EPG5: variants seen among roughly 807,000 people sequenced by gnomAD.
EPG5 encodes the protein ectopic P-granules 5 autophagy tethering factor, also known as ectopic P granules protein 5 homolog.
EPG5 carries 159 observed loss-of-function variants against 302.7 expected under a neutral mutation model. The observed-to-expected ratio is 0.53, with a 90% CI of 0.46 to 0.60. The LOEUF (loss-of-function observed/expected upper bound fraction) is 0.60, where lower values mean the gene tolerates loss of function less well. Ranked by LOEUF, EPG5 falls within the 20% of genes least tolerant of loss-of-function variation. EPG5 has a pLI of 0.00. For synonymous variants in EPG5, 1,158 were observed against 1,136.8 expected (o/e 1.02, Z -0.37); for missense variants, 2,896 against 3,092.4 (o/e 0.94, Z 1.51).
chr18:45,879,201 A>G lies in EPG5; in HGVS notation c.5681T>C (p.Ile1894Thr), dbSNP rs2049037571. 2 of 1,610,096 alleles carry G rather than the reference A, an allele frequency of 1.2e-6. No individual in the cohort carries two copies. The highest frequency in any genetic ancestry group is 1.7e-6 in the Non-Finnish European group (2 of 1,178,974). Reference protein sequence around the residue: ...LLSDKQVMETIQWLSDFFYKL... With the variant: ...LLSDKQVMETTQWLSDFFYKL... ...ATAAAAAAAGTCTGAAAGCCACTGTATAGTCTCCATTACCTGGAAGAGACA... is the reference window on the plus strand; with the variant it reads ...ATAAAAAAAGTCTGAAAGCCACTGTGTAGTCTCCATTACCTGGAAGAGACA... The change falls in exon 33 of 44, where the codon ATA (isoleucine) becomes ACA (threonine). Residue 1894 changes from isoleucine to threonine, a missense_variant. By Grantham distance (89) the Ile-to-Thr change is moderately conservative. This residue lies in a region of EPG5 where 790 missense variants were observed against 798.0 expected (regional missense o/e 0.99). Transcript: ENST00000282041.
Position 45,867,750 on chromosome 18 carries a change from T to C in EPG5, c.6226-2A>G, listed in dbSNP as rs1568104423. 1.9e-6 allele frequency: 3 copies of C among 1,588,108 alleles called. No homozygotes were observed. Among genetic ancestry groups the C allele is most frequent in the Non-Finnish European group, 2.6e-6 (3 of 1,168,538 alleles). On this transcript the variant is annotated splice_acceptor_variant, in intron 36 of 43. Transcript: ENST00000282041. LOFTEE classifies it high-confidence loss of function. ...GCTCTTGGGGCTTCCTCGTTCCACC[T>C]AAAAGAAAATGAATTAAAATCATTC...
the EPG5 span, chr18:45,825,837 A>T: frequency 3.1e-6 from 5 of 1,595,848 alleles, no homozygotes; most frequent in South Asian, 5.5e-5. Context: ...TGCTGAAAGC[A>T]TCTTAGGTAC....
intron 20 of EPG5, among the ~76,000 whole-genome samples, chr18:45,914,867 A>T (rs199939477): frequency 6.6e-6 from 1 of 152,072 alleles, no homozygotes; most frequent in African/African-American, 2.4e-5. Context: ...TGTAGTCCCC[A>T]AATACTAGGG....
chr18:45,842,978 G>T (rs2048337862), downstream of EPG5: 1 of 152,354 alleles, frequency 6.6e-6, no homozygotes, highest in Non-Finnish European at 1.5e-5. Context: ...TGCCCCCTGG[G>T]ATCTCCACTG....
the EPG5 span, among the ~76,000 whole-genome samples, chr18:45,814,677 A>G: frequency 6.6e-6 from 1 of 152,322 alleles, no homozygotes; most frequent in Admixed American, 6.5e-5. Context: ...GAGAGTCAGT[A>G]GGCCAAACCC....
At chr18:45,932,291 C>T (rs1385293013) in intron 11 of EPG5, among the ~76,000 whole-genome samples, 1 of 152,128 alleles carries the variant, frequency 6.6e-6, no homozygotes, top group African/African-American at 2.4e-5. Context: ...AGGACAAACA[C>T]ATTTCTACAG....
chr18:45,889,984 T>C (rs1405963292), intron 27 of EPG5, 44 bp from the exon 28 acceptor site: 2 of 1,504,352 alleles, frequency 1.3e-6, no homozygotes, highest in Admixed American at 4.2e-5. Context: ...CCCCCATGTG[T>C]CAGGTTTCCC....
intron 16 of EPG5, among the ~76,000 whole-genome samples, chr18:45,918,676 T>C (rs1444149706): frequency 3.9e-5 from 6 of 152,210 alleles, no homozygotes; most frequent in African/African-American, 1.2e-4. Context: ...TCCTTTCAAT[T>C]GGAAATATTA....
rs1417997219 is a variant in EPG5, at chr18:45,907,967, C to T, written c.4320G>A (p.Gln1440=). The change falls in exon 24 of 44, where the codon CAG becomes CAA. Residue 1440 remains glutamine, a synonymous_variant. Coordinates refer to ENST00000282041, the MANE Select transcript of EPG5 (RefSeq NM_020964.3). ...AGGGCTATAATTTCACCTGCTGATT[C>T]TGCATCACTTTTGCTAGCCTGTGAA... is the stretch of plus-strand genomic sequence containing the variant. ...YDIHRLAKVM[Q]NQQDLWMEYL... is the part of the protein sequence containing the mutation. The T allele has an allele frequency of 8.4e-6, 13 of 1,548,190 alleles. No individual in the cohort carries two copies. The highest frequency in any genetic ancestry group is 1.4e-5 in the African/African-American group (1 of 69,856).
Position 45,866,803 on chromosome 18 carries a change from G to A in EPG5, c.6616C>T (p.His2206Tyr), listed in dbSNP as rs2048757353. 1.9e-6 allele frequency: 3 copies of A among 1,611,982 alleles called. No individual in the cohort carries two copies. The highest frequency in any genetic ancestry group is 2.2e-5 in the South Asian group (2 of 91,036). Residue 2206 changes from histidine to tyrosine, a missense_variant, in exon 38 of 44, where the codon CAT (histidine) becomes TAT (tyrosine). Physicochemically the swap from His to Tyr is moderately conservative, Grantham distance 83. Around this residue, in one of 5 missense-constraint regions of EPG5, gnomAD observed 620 missense variants for 704.2 expected, o/e 0.88. Transcript: ENST00000282041. ...TAAACTACCTCTCAACTTACAAGAT[G>A]CTTCTGGCTGTCAGTAGGAATAGAA... ...GLSIPTDSQK[H>Y]LDAVPKCQAF...
the EPG5 span, chr18:45,838,832 T>C: frequency 1.7e-5 from 26 of 1,567,134 alleles, no homozygotes; most frequent in Non-Finnish European, 2.1e-5. Flanking sequence ...GGCCCGGCCC[T>C]GGGCAACAGC....
rs114132677 is a variant in EPG5, at chr18:45,904,160, T to G, written c.4330-43A>C. 1.4e-3 allele frequency: 2,200 copies of G among 1,588,130 alleles called. 26 individuals carry two copies. The African/African-American group carries it at 0.026, about 19-fold the overall frequency. Reference sequence around the variant, plus strand: ...TACTTTAACTCTGACAGACAAGTCATAGATTCACATATAAAACTATGTATT... The same window carrying G: ...TACTTTAACTCTGACAGACAAGTCAGAGATTCACATATAAAACTATGTATT... On this transcript the variant is annotated intron_variant, in intron 24 of 43. Coordinates refer to ENST00000282041, the MANE Select transcript of EPG5 (RefSeq NM_020964.3).
intron 16 of EPG5, among the ~76,000 whole-genome samples, chr18:45,922,015 T>A (rs1162024193): frequency 1.3e-5 from 2 of 148,496 alleles, no homozygotes; most frequent in Admixed American, 1.3e-4. Context: ...TTTTCAAAAA[T>A]TTTACTACAG....
intron 6 of EPG5, among the ~76,000 whole-genome samples, chr18:45,947,848 C>T (rs1419353278): frequency 6.6e-6 from 1 of 152,136 alleles, no homozygotes; most frequent in Non-Finnish European, 1.5e-5. Context: ...TCTCAGCTCA[C>T]TGCAACCTCC....
downstream of EPG5, chr18:45,843,369 T>C (rs541938890): frequency 2.0e-3 from 308 of 152,338 alleles, no homozygotes; most frequent in Middle Eastern, 6.8e-3. Context: ...GAGGCATGCC[T>C]GGGTCCCAGG....
intron 1 of EPG5, among the ~76,000 whole-genome samples, chr18:45,963,913 G>A (rs977553705): frequency 6.6e-6 from 1 of 152,184 alleles, no homozygotes; most frequent in East Asian, 1.9e-4. Context: ...GTACTAGTTA[G>A]GATGGAGAGG....
chr18:45,809,168 A>G, the EPG5 span, among the ~76,000 whole-genome samples: 1 of 152,228 alleles, frequency 6.6e-6, no homozygotes, highest in Non-Finnish European at 1.5e-5. Context: ...GTCCAACAGG[A>G]AAATATCACA....
At chr18:45,906,964 G>C (rs1286585722) in intron 24 of EPG5, among the ~76,000 whole-genome samples, 1 of 152,078 alleles carries the variant, frequency 6.6e-6, no homozygotes. Flanking sequence ...CCATAATCTT[G>C]ATCACAAAAT....
the EPG5 span, among the ~76,000 whole-genome samples, chr18:45,817,800 T>C: frequency 3.9e-5 from 6 of 152,222 alleles, no homozygotes; most frequent in Admixed American, 6.5e-5. Flanking sequence ...TTTCAGAAGT[T>C]ACACACTGTC....
Sources: allele counts gnomAD v4.1 joint callset (sites outside exome capture counted in the v4.1 genomes callset), GRCh38; gene constraint gnomAD v4.1.1; regional missense constraint gnomAD v4.1.1; transcripts MANE v1.5; gene names NCBI Gene and HGNC (gene_info 2026-07-23, HGNC 2026-07-21).